The following CLYBL variants were observed in gnomAD, a reference collection of about 807,000 sequenced individuals.
CLYBL encodes citramalyl-CoA lyase.
CLYBL carries 31 observed loss-of-function variants against 38.9 expected under a neutral mutation model. The ratio of observed to expected loss-of-function variants is 0.80; its 90% confidence interval spans 0.60 to 1.08. The LOEUF is 1.08. CLYBL is among the 50% of genes least tolerant of loss of function. The pLI, the probability that CLYBL is intolerant of heterozygous loss-of-function variation, is 0.00. For missense variants in CLYBL, 434 were observed against 411.6 expected, an observed-to-expected ratio of 1.05 and a Z score of -0.47; for synonymous variants, 171 against 158.6, an observed-to-expected ratio of 1.08 and a Z score of -0.59.
At chr13:99,707,419 G>A (rs1405009878) in intron 1 of CLYBL, among the ~76,000 whole-genome samples, 1 of 151,970 alleles carries the variant, frequency 6.6e-6, no homozygotes, top group South Asian at 2.1e-4. Context: ...ACAGTCATGC[G>A]CCACCACGCC....
intron 2 of CLYBL, among the ~76,000 whole-genome samples, chr13:99,841,607 C>T (rs2051080194): frequency 6.6e-6 from 1 of 152,038 alleles, no homozygotes; most frequent in South Asian, 2.1e-4. Flanking sequence ...GCCATGTTGG[C>T]CAGGCTGGTC....
At chr13:99,723,290 G>T (rs970260688) in intron 1 of CLYBL, among the ~76,000 whole-genome samples, 15 of 152,144 alleles carry the variant, frequency 9.9e-5, no homozygotes, top group African/African-American at 3.6e-4. Context: ...CATTAACAGG[G>T]CTCAACGTTA....
At chr13:99,772,207 T>C (rs978445180) in intron 1 of CLYBL, among the ~76,000 whole-genome samples, 1 of 152,194 alleles carries the variant, frequency 6.6e-6, no homozygotes, top group Non-Finnish European at 1.5e-5. Context: ...CCATAGATGC[T>C]ATCTAGACAG....
At chr13:99,671,315 C>T (rs2047561711) in intron 1 of CLYBL, among the ~76,000 whole-genome samples, 1 of 152,160 alleles carries the variant, frequency 6.6e-6, no homozygotes, top group South Asian at 2.1e-4. Flanking sequence ...TGTTTGTCTT[C>T]CCTACTGCAG....
chr13:99,618,691 A>G (rs571199841), intron 1 of CLYBL, among the ~76,000 whole-genome samples: 1 of 152,258 alleles, frequency 6.6e-6, no homozygotes, highest in African/African-American at 2.4e-5. Context: ...CCCTGTGCCC[A>G]TTAAACACTA....
At chr13:99,872,650 G>T (rs576999537) in intron 7 of CLYBL, among the ~76,000 whole-genome samples, 1 of 152,326 alleles carries the variant, frequency 6.6e-6, no homozygotes, top group East Asian at 1.9e-4. Context: ...CAGAGTTCCA[G>T]TCTGGGCCAG....
At chr13:99,723,458 A>T (rs1725481910) in intron 1 of CLYBL, among the ~76,000 whole-genome samples, 1 of 152,228 alleles carries the variant, frequency 6.6e-6, no homozygotes, top group South Asian at 2.1e-4. Flanking sequence ...TCTTCTTGGC[A>T]GTAGGGTTTG....
chr13:99,870,363 C>G (rs1347635027), intron 6 of CLYBL, among the ~76,000 whole-genome samples: 1 of 152,036 alleles, frequency 6.6e-6, no homozygotes, highest in Non-Finnish European at 1.5e-5. Flanking sequence ...GACACATAAA[C>G]TGTTCATTTA....
At chr13:99,712,873 C>G (rs1463716350) in intron 1 of CLYBL, among the ~76,000 whole-genome samples, 1 of 152,096 alleles carries the variant, frequency 6.6e-6, no homozygotes, top group Non-Finnish European at 1.5e-5. Context: ...TGTTTGTACT[C>G]TGTATTTCCA....
At chr13:99,789,437 G>T (rs1353488927) in intron 2 of CLYBL, among the ~76,000 whole-genome samples, 2 of 152,112 alleles carry the variant, frequency 1.3e-5, no homozygotes, top group African/African-American at 2.4e-5. Context: ...CTTTATTTCT[G>T]CCTTCATTTC....
intron 1 of CLYBL, among the ~76,000 whole-genome samples, chr13:99,737,111 G>T (rs2048680324): frequency 6.8e-6 from 1 of 146,478 alleles, no homozygotes; most frequent in Non-Finnish European, 1.5e-5. Context: ...TGAGGGTTAA[G>T]TTCTGAAGAA....
chr13:99,749,759 G>A (rs1035010119), intron 1 of CLYBL, among the ~76,000 whole-genome samples: 5 of 152,182 alleles, frequency 3.3e-5, no homozygotes, highest in African/African-American at 1.2e-4. Flanking sequence ...GAATGGCCCT[G>A]TTCCGCCAGT....
Position 99,772,938 on chromosome 13 carries a change from AAAG to A in CLYBL, c.182_184del (p.Lys61del). 1 of 1,613,940 alleles carries A rather than the reference AAAG, an allele frequency of 6.2e-7. No homozygotes were observed. The highest frequency in any genetic ancestry group is 8.5e-7 in the Non-Finnish European group (1 of 1,179,984). On this transcript the variant is annotated inframe_deletion, in exon 2 of 9. Coordinates refer to ENST00000339105, the MANE Select transcript of CLYBL (RefSeq NM_206808.5). ...TACCTGGAAATGATGAAAAGAAAATAAAGAAGATTCCATCCCTGAATGTAGATT... is the reference window on the plus strand; with the variant it reads ...TACCTGGAAATGATGAAAAGAAAATAAAGATTCCATCCCTGAATGTAGATT...
At chr13:99,614,224 C>A (rs1016633604) in intron 1 of CLYBL, among the ~76,000 whole-genome samples, 2 of 152,062 alleles carry the variant, frequency 1.3e-5, no homozygotes, top group Admixed American at 1.3e-4. Context: ...ACCACAGGTT[C>A]AAGAACTGGA....
chr13:99,852,831 A>ATGTT (rs1169936477), intron 2 of CLYBL, among the ~76,000 whole-genome samples: 1 of 152,120 alleles, frequency 6.6e-6, no homozygotes. Flanking sequence ...TCTCCCATTA[A>ATGTT]TGTTTACTCT....
At chr13:99,650,896 G>A (rs1333406670) in intron 1 of CLYBL, among the ~76,000 whole-genome samples, 1 of 152,088 alleles carries the variant, frequency 6.6e-6, no homozygotes, top group Non-Finnish European at 1.5e-5. Context: ...CCTAACCCAA[G>A]ATTACCTTCC....
intron 2 of CLYBL, among the ~76,000 whole-genome samples, chr13:99,834,843 A>C (rs2050898311): frequency 6.6e-6 from 1 of 152,150 alleles, no homozygotes; most frequent in African/African-American, 2.4e-5. Flanking sequence ...CCTCCTGCTG[A>C]CACTTTTGTC....
chr13:99,628,366 A>T (rs1419548675), intron 1 of CLYBL, among the ~76,000 whole-genome samples: 1 of 152,188 alleles, frequency 6.6e-6, no homozygotes, highest in African/African-American at 2.4e-5. Flanking sequence ...TTTAAGTGAT[A>T]TAGTAGACCT....
chr13:99,624,197 G>A (rs928427050), intron 1 of CLYBL, among the ~76,000 whole-genome samples: 3 of 152,118 alleles, frequency 2.0e-5, no homozygotes, highest in Admixed American at 6.5e-5. Context: ...CCACGAATGT[G>A]TGCATCTCCC....
Sources: allele counts gnomAD v4.1 joint callset (sites outside exome capture counted in the v4.1 genomes callset), GRCh38; gene constraint gnomAD v4.1.1; transcripts MANE v1.5; gene names NCBI Gene and HGNC (gene_info 2026-07-23, HGNC 2026-07-21).